Variants in NBAS observed in about 807,000 individuals in gnomAD.
NBAS encodes the protein NBAS subunit of NRZ tethering complex, also known as NAG/BC035112 fusion.
Under a neutral mutation model 302.5 loss-of-function variants are expected in NBAS, and 219 were observed. The observed-to-expected ratio is 0.72, with a 90% CI of 0.65 to 0.81. The LOEUF is 0.81. Ranked by LOEUF, NBAS falls within the 30% of genes least tolerant of loss-of-function variation. The pLI is 0.00. For missense variants in NBAS, 2,932 were observed against 2,841.6 expected, an observed-to-expected ratio of 1.03 and a Z score of -0.72; for synonymous variants, 1,118 against 1,021.6, an observed-to-expected ratio of 1.09 and a Z score of -1.80.
At chr2:15,053,879 T>G in the NBAS span, among the ~76,000 whole-genome samples, 5 of 151,958 alleles carry the variant, frequency 3.3e-5, no homozygotes, top group Admixed American at 1.3e-4. Flanking sequence ...TAGGCACCTC[T>G]TCTTTCTGAG....
chr2:14,972,559 A>T, the NBAS span, among the ~76,000 whole-genome samples: 1 of 152,252 alleles, frequency 6.6e-6, no homozygotes, highest in South Asian at 2.1e-4. Context: ...TAACCCAAAC[A>T]GTATGAATAT....
the NBAS span, among the ~76,000 whole-genome samples, chr2:15,092,628 C>T: frequency 6.6e-6 from 1 of 152,176 alleles, no homozygotes; most frequent in African/African-American, 2.4e-5. Flanking sequence ...TCTGCAGTAA[C>T]AGGCTTCCCT....
At chr2:15,393,174 T>C (rs377214628) in intron 28 of NBAS, among the ~76,000 whole-genome samples, 1 of 152,104 alleles carries the variant, frequency 6.6e-6, no homozygotes, top group South Asian at 2.1e-4. Context: ...AAAAACATTG[T>C]GGCAAAGCAA....
downstream of NBAS, chr2:15,166,810 A>G: frequency 2.1e-6 from 1 of 470,404 alleles, no homozygotes; most frequent in Non-Finnish European, 3.6e-6. Context: ...GCAGGTTGAA[A>G]TAAAAAAGGA....
the NBAS span, among the ~76,000 whole-genome samples, chr2:15,143,299 C>T: frequency 1.3e-5 from 2 of 152,138 alleles, no homozygotes; most frequent in African/African-American, 2.4e-5. Context: ...GCAGCAAGTC[C>T]GCGTCTGCAG....
At chr2:15,222,644 T>C (rs1266472010) in intron 47 of NBAS, among the ~76,000 whole-genome samples, 1 of 152,222 alleles carries the variant, frequency 6.6e-6, no homozygotes, top group South Asian at 2.1e-4. Context: ...GAATTGACTA[T>C]GGCATTTTGA....
At chr2:15,191,169 C>T (rs537851685) in intron 48 of NBAS, among the ~76,000 whole-genome samples, 24 of 152,220 alleles carry the variant, frequency 1.6e-4, no homozygotes, top group African/African-American at 4.3e-4. Context: ...TTTAGGTACA[C>T]AGACATTCAT....
At chr2:15,035,538 G>A in the NBAS span, among the ~76,000 whole-genome samples, 67 of 152,250 alleles carry the variant, frequency 4.4e-4, no homozygotes, top group African/African-American at 1.5e-3. Context: ...ATACATGCAC[G>A]TGTATGTTCA....
Position 15,292,365 on chromosome 2 carries a change from G to A in NBAS, c.5027+172C>T, listed in dbSNP as rs183631639. Among the ~76,000 whole-genome samples the A allele has an allele frequency of 1.4e-4, 22 of 152,270 alleles. No homozygotes were observed. The South Asian group carries it at 1.5e-3, about 10-fold the overall frequency. ...GGAATGCTGGCTGCATCTACTGATC[G>A]GTTTGGAGAAGGCACACATCCCACA... On this transcript the variant is annotated intron_variant, in intron 41 of 51. Transcript: ENST00000281513.
At chr2:14,797,113 A>G in the NBAS span, among the ~76,000 whole-genome samples, 1 of 137,020 alleles carries the variant, frequency 7.3e-6, no homozygotes, top group South Asian at 2.3e-4. Context: ...AAAAAAAAAA[A>G]ACCAAAAACA....
In NBAS at chr2:15,292,595, C is replaced by T. The variant is rs147763358; in HGVS notation, c.4969G>A (p.Val1657Met). 5.6e-6 allele frequency: 9 copies of T among 1,614,042 alleles called. No homozygotes were observed. Among genetic ancestry groups the T allele is most frequent in the African/African-American group, 2.7e-5 (2 of 74,922 alleles). ...TGGTCATCTGCAGTAAACCGCTGCA[C>T]GTCCACACCCTTCCGAAGGCCCTGA... Reference protein sequence around the residue: ...ILQGLRKGVDVQRFTADDQYK... With the variant: ...ILQGLRKGVDMQRFTADDQYK... The change falls in exon 41 of 52, where the codon GTG becomes ATG. Residue 1657 changes from valine to methionine, a missense_variant. Coordinates refer to ENST00000281513, the MANE Select transcript of NBAS (RefSeq NM_015909.4).
chr2:14,875,509 A>G, the NBAS span, among the ~76,000 whole-genome samples: 1 of 152,030 alleles, frequency 6.6e-6, no homozygotes, highest in Admixed American at 6.6e-5. Flanking sequence ...CCAACTACTC[A>G]GGAGGCTGAG....
chr2:14,993,479 T>C, the NBAS span, among the ~76,000 whole-genome samples: 3 of 152,202 alleles, frequency 2.0e-5, no homozygotes, highest in Admixed American at 6.5e-5. Context: ...TTATTGGTCA[T>C]TTAGAGACAT....
rs375302458 is a variant in NBAS at position 15,328,269 on chromosome 2, T to C, written c.4391A>G (p.Asn1464Ser). Residue 1464 changes from asparagine to serine, a missense_variant, in exon 37 of 52, where the codon AAT becomes AGT. By Grantham distance (46) the Asn-to-Ser change is conservative. Transcript: ENST00000281513. Reference protein sequence around the residue: ...GGAYQIGTTANEDLEKQGCHP... With the variant: ...GGAYQIGTTASEDLEKQGCHP... ...ACACCCTTGTTTCTCTAGATCTTCATTGGCTGTAGTTCCGATTTGATATGC... is the reference window on the plus strand; with the variant it reads ...ACACCCTTGTTTCTCTAGATCTTCACTGGCTGTAGTTCCGATTTGATATGC... 15 of 1,613,850 alleles carry C rather than the reference T, an allele frequency of 9.3e-6. No individual in the cohort carries two copies. The highest frequency in any genetic ancestry group is 1.6e-4 in the Middle Eastern group (1 of 6,080).
intron 40 of NBAS, among the ~76,000 whole-genome samples, chr2:15,294,033 T>G (rs1670438996): frequency 1.3e-5 from 2 of 152,234 alleles, no homozygotes; most frequent in South Asian, 4.1e-4. Context: ...AAGGCCATCT[T>G]TCATTCCTTC....
chr2:15,460,051 A>G (rs868478388), intron 21 of NBAS, among the ~76,000 whole-genome samples: 5 of 152,172 alleles, frequency 3.3e-5, no homozygotes, highest in African/African-American at 1.2e-4. Flanking sequence ...GTTGACCATC[A>G]TCATTAATAC....
the NBAS span, among the ~76,000 whole-genome samples, chr2:15,146,709 A>C: frequency 4.6e-5 from 7 of 152,278 alleles, no homozygotes; most frequent in South Asian, 1.5e-3. Context: ...AGCGCAGAAC[A>C]CATGGCAGAG....
At chr2:15,143,691 T>C in the NBAS span, among the ~76,000 whole-genome samples, 13 of 152,112 alleles carry the variant, frequency 8.5e-5, no homozygotes. Flanking sequence ...GATTGAAAGA[T>C]ACAAAGTATT....
At chr2:15,446,508 A>T (rs1678750190) in intron 21 of NBAS, among the ~76,000 whole-genome samples, 1 of 152,222 alleles carries the variant, frequency 6.6e-6, no homozygotes, top group Non-Finnish European at 1.5e-5. Context: ...AAGCAAAGAG[A>T]ATTCAACATC....
Sources: allele counts gnomAD v4.1 joint callset (sites outside exome capture counted in the v4.1 genomes callset), GRCh38; gene constraint gnomAD v4.1.1; transcripts MANE v1.5; gene names NCBI Gene and HGNC (gene_info 2026-07-23, HGNC 2026-07-21).